NUP210L: variants seen among roughly 807,000 people sequenced by gnomAD.
NUP210L encodes nuclear pore membrane glycoprotein 210-like.
Under a neutral mutation model 208.5 loss-of-function variants are expected in NUP210L, and 74 were observed. The ratio of observed to expected loss-of-function variants is 0.35; its 90% CI spans 0.29 to 0.43. The LOEUF is 0.43. Among genes scored for constraint, NUP210L ranks in the 20% least tolerant of loss-of-function variants. The pLI is 1.00. For missense variants in NUP210L, 1,843 were observed against 2,289.4 expected (o/e 0.81, Z 3.98); for synonymous variants, 780 against 816.9 (o/e 0.95, Z 0.77).
In NUP210L at chr1:154,070,530, T is replaced by G. The variant is rs528186278; in HGVS notation, c.2362-65A>C. On this transcript the variant is annotated intron_variant, in intron 16 of 39. Coordinates refer to ENST00000368559, the Ensembl canonical transcript of NUP210L. Reference sequence around the variant, plus strand: ...ATCAATAGCCTAAGGGGTAGTAAGATATCTCTAAAGCTAGGAATCGAGTTT... The same window carrying G: ...ATCAATAGCCTAAGGGGTAGTAAGAGATCTCTAAAGCTAGGAATCGAGTTT... 24 of 1,093,194 alleles carry G rather than the reference T, an allele frequency of 2.2e-5. No individual in the cohort carries two copies. In the African/African-American group the frequency reaches 3.2e-4, roughly 15 times the overall value. The allele number at this position is 1,093,194 out of a possible 1,614,324, so 67.7% of individuals were successfully genotyped here.
At chr1:154,036,459 G>C (rs1180918469) in intron 27 of NUP210L, among the ~76,000 whole-genome samples, 2 of 149,128 alleles carry the variant, frequency 1.3e-5, no homozygotes, top group Non-Finnish European at 3.0e-5. Context: ...CTGCTTCCTG[G>C]ATTCAAGCAA....
intron 27 of NUP210L, among the ~76,000 whole-genome samples, chr1:154,030,901 C>T (rs1367751478): frequency 6.6e-6 from 1 of 151,906 alleles, no homozygotes; most frequent in East Asian, 1.9e-4. Flanking sequence ...GCCAATTAGT[C>T]CAGCTAATTT....
chr1:154,151,004 A>G (rs1654357666), intron 2 of NUP210L, among the ~76,000 whole-genome samples: 1 of 152,068 alleles, frequency 6.6e-6, no homozygotes, highest in Non-Finnish European at 1.5e-5. Flanking sequence ...TAAAATTGGG[A>G]AAGTTGATTT....
rs548145427 is a variant in NUP210L, at chr1:154,135,960, G to A, written c.863C>T (p.Pro288Leu). The A allele has an allele frequency of 5.6e-6, 9 of 1,603,060 alleles. No individual in the cohort carries two copies. The East Asian group carries it at 1.3e-4, about 24-fold the overall frequency. ...CAATTCCAGTATATAATGTTCCAGG[G>A]GAAATTTCACCTCTGTAAGACATGA... Residue 288 changes from proline (P) to leucine (L), a missense_variant, in exon 7 of 40, where the codon CCC becomes CTC. By Grantham distance (98) the Pro-to-Leu change is moderately conservative. This residue lies in a region of NUP210L where 542 missense variants were observed against 606.4 expected (regional missense o/e 0.89). Transcript: ENST00000368559.
intron 5 of NUP210L, 81 bp from the exon 6 acceptor site, chr1:154,138,319 C>T (rs1452014512): frequency 3.9e-6 from 5 of 1,276,852 alleles, no homozygotes; most frequent in Non-Finnish European, 5.3e-6. Flanking sequence ...TAAAAGCTTA[C>T]TTCTTTTAAA....
At chr1:154,053,584 G>A (rs1653645900) in intron 25 of NUP210L, among the ~76,000 whole-genome samples, 1 of 152,196 alleles carries the variant, frequency 6.6e-6, no homozygotes, top group Non-Finnish European at 1.5e-5. Context: ...ACCCAGGGCG[G>A]AAAACCACTT....
intron 32 of NUP210L, among the ~76,000 whole-genome samples, chr1:154,021,172 C>T (rs1651538478): frequency 6.6e-6 from 1 of 152,060 alleles, no homozygotes; most frequent in African/African-American, 2.4e-5. Flanking sequence ...GATCTCTTGA[C>T]CTCGTGATCC....
intron 25 of NUP210L, among the ~76,000 whole-genome samples, chr1:154,048,282 C>A (rs1653297597): frequency 1.3e-5 from 2 of 152,090 alleles, no homozygotes. Flanking sequence ...GCGCCTCAAG[C>A]AACCGCTCTC....
intron 27 of NUP210L, among the ~76,000 whole-genome samples, chr1:154,037,870 G>A (rs540395825): frequency 1.3e-5 from 2 of 152,034 alleles, no homozygotes; most frequent in East Asian, 1.9e-4. Context: ...CACCCAACTC[G>A]GCCTTCCCAA....
chr1:154,115,553 A>G (rs1657277337), intron 12 of NUP210L, among the ~76,000 whole-genome samples: 1 of 152,176 alleles, frequency 6.6e-6, no homozygotes, highest in Non-Finnish European at 1.5e-5. Flanking sequence ...TCCCATACAC[A>G]AGGATTTCTC....
exon 39 of NUP210L, chr1:153,993,067 C>T (rs779339455): frequency 4.3e-6 from 7 of 1,613,344 alleles, no homozygotes; most frequent in East Asian, 2.2e-5. Flanking sequence ...CTGTTTGTAT[C>T]TTGTTTAGGA....
At position 154,133,649 on chromosome 1, in the gene NUP210L, G is replaced by T. The variant is rs182660796; in HGVS notation, c.1009+2165C>A. Among the ~76,000 whole-genome samples the T allele has an allele frequency of 2.7e-4, 41 of 152,092 alleles. No homozygotes were observed. The East Asian group carries it at 6.4e-3, about 24-fold the overall frequency. On this transcript the variant is annotated intron_variant, in intron 7 of 39. Transcript: ENST00000368559. Reference sequence around the variant, plus strand: ...GAGTCCAGGAGTTCAAGAGCAGTGTGGGCAACATGGCGAGACCTTGTGTCT... The same window carrying T: ...GAGTCCAGGAGTTCAAGAGCAGTGTTGGCAACATGGCGAGACCTTGTGTCT...
intron 16 of NUP210L, among the ~76,000 whole-genome samples, chr1:154,082,707 G>C (rs1655404331): frequency 6.6e-6 from 1 of 152,178 alleles, no homozygotes; most frequent in Admixed American, 6.5e-5. Context: ...TTACGGAACT[G>C]GTCAGAAACG....
chr1:154,094,565 T>C (rs1291521374), intron 15 of NUP210L, among the ~76,000 whole-genome samples: 3 of 152,224 alleles, frequency 2.0e-5, no homozygotes, highest in Non-Finnish European at 4.4e-5. Flanking sequence ...TTGCTAACCA[T>C]AGATGATACT....
chr1:154,133,915 C>T (rs906959110), intron 7 of NUP210L, among the ~76,000 whole-genome samples: 5 of 151,500 alleles, frequency 3.3e-5, no homozygotes, highest in African/African-American at 7.3e-5. Context: ...TGTGGAAGGC[C>T]GAAGTGGGTG....
At chr1:153,998,898 T>C (rs1024439840) in intron 37 of NUP210L, among the ~76,000 whole-genome samples, 15 of 151,860 alleles carry the variant, frequency 9.9e-5, no homozygotes, top group African/African-American at 3.6e-4. Context: ...TGATTTTTAG[T>C]AGAGATAAGG....
At chr1:154,060,426 A>T in intron 20 of NUP210L, 114 bp downstream of exon 20, 1 of 679,784 alleles carries the variant, frequency 1.5e-6, no homozygotes, top group South Asian at 2.2e-5. Flanking sequence ...TTAAAGAAAG[A>T]AAGGAAAATG....
intron 27 of NUP210L, among the ~76,000 whole-genome samples, chr1:154,045,794 C>T (rs1490043469): frequency 6.6e-6 from 1 of 152,008 alleles, no homozygotes; most frequent in Admixed American, 6.6e-5. Context: ...ACAGCCTGGG[C>T]AACAAGGCAA....
In NUP210L at chr1:154,027,188, A is replaced by G. The variant is rs148540134; in HGVS notation, c.3947+318T>C. ...TCAGGATAGCTAATACCGTACACAG[A>G]AAGCAGATTAGTGATTGCCAGGGGC... is the stretch of plus-strand genomic sequence containing the variant. On this transcript the variant is annotated intron_variant, in intron 29 of 39. Transcript: ENST00000368559. 8.5e-5 allele frequency among the ~76,000 whole-genome samples: 13 copies of G among 152,160 alleles called. No individual in the cohort carries two copies. The East Asian group carries it at 2.5e-3, about 29-fold the overall frequency.
Sources: allele counts gnomAD v4.1 joint callset (sites outside exome capture counted in the v4.1 genomes callset), GRCh38; gene constraint gnomAD v4.1.1; regional missense constraint gnomAD v4.1.1; transcripts MANE v1.5; gene names NCBI Gene and HGNC (gene_info 2026-07-23, HGNC 2026-07-21).